Variants in DHX36 observed in about 807,000 individuals in gnomAD.
The protein encoded by DHX36 is ATP-dependent DNA/RNA helicase DHX36.
In DHX36, 50 loss-of-function variants were observed where a neutral mutation model predicts 139.0. The observed-to-expected ratio is 0.36, with a 90% CI of 0.29 to 0.46. DHX36 has a LOEUF of 0.46. DHX36 is among the 20% of genes least tolerant of loss of function. The pLI is 1.00. For missense variants in DHX36, 1,024 were observed against 1,211.3 expected (o/e 0.85, Z 2.29); for synonymous variants, 425 against 401.9 (o/e 1.06, Z -0.69).
At chr3:154,277,232 A>G (rs993621733) in intron 23 of DHX36, among the ~76,000 whole-genome samples, 1 of 152,172 alleles carries the variant, frequency 6.6e-6, no homozygotes, top group African/African-American at 2.4e-5. Flanking sequence ...AAAGAGAAAA[A>G]TATAAATAAA....
intron 22 of DHX36, 23 bp from the exon 23 acceptor site, chr3:154,277,741 G>A: frequency 6.3e-7 from 1 of 1,575,884 alleles, no homozygotes; most frequent in Non-Finnish European, 8.6e-7. Context: ...TTAAAATGCA[G>A]TTTGTTAAAA....
intron 3 of DHX36, among the ~76,000 whole-genome samples, chr3:154,313,930 G>T (rs1712863419): frequency 6.6e-6 from 1 of 152,078 alleles, no homozygotes; most frequent in Non-Finnish European, 1.5e-5. Context: ...CAAGGTTGTT[G>T]AGAAGCTTAA....
intron 1 of DHX36, among the ~76,000 whole-genome samples, chr3:154,317,837 A>T (rs355776): frequency 0.78 from 110,402 of 141,726 alleles, 40,447 homozygotes; most frequent in South Asian, 0.83. Context: ...TCAATTGTTT[A>T]TTTTTTATAG....
intron 3 of DHX36, chr3:154,312,001 C>T (rs1373480487): frequency 5.3e-6 from 1 of 189,380 alleles, no homozygotes; most frequent in East Asian, 1.4e-4. Flanking sequence ...ATATATTCAT[C>T]TTAGATTTGA....
At chr3:154,313,811 T>C (rs768973627) in intron 3 of DHX36, among the ~76,000 whole-genome samples, 2 of 152,026 alleles carry the variant, frequency 1.3e-5, no homozygotes, top group Non-Finnish European at 2.9e-5. Flanking sequence ...AAAAGCTGAG[T>C]TGTTAAACAC....
intron 22 of DHX36, chr3:154,277,984 G>A (rs1250241670): frequency 4.0e-6 from 1 of 248,188 alleles, no homozygotes; most frequent in African/African-American, 2.2e-5. Context: ...CTTCTTGCAG[G>A]TATAATTACT....
At chr3:154,284,331 C>A (rs1711500992) in intron 19 of DHX36, among the ~76,000 whole-genome samples, 1 of 152,050 alleles carries the variant, frequency 6.6e-6, no homozygotes, top group Non-Finnish European at 1.5e-5. Flanking sequence ...CAAATGCCCA[C>A]CACCACACAC....
At position 154,275,343 on chromosome 3, in the gene DHX36, T is replaced by A. The variant is rs1719113628; in HGVS notation, c.*828A>T. 6.6e-6 allele frequency: 1 copy of A among 152,240 alleles called. No homozygotes were observed. The highest frequency in any genetic ancestry group is 1.5e-5 in the Non-Finnish European group (1 of 68,054). 9.4% of individuals were successfully genotyped at this position (152,240 alleles called of 1,614,324 possible). ...TTAGGGAATGACAAGGAAAAAAGTC[T>A]GCACATGTTCAGTATAGACACAACC... On this transcript the variant is annotated 3_prime_UTR_variant, in exon 25 of 25. Transcript: ENST00000496811.
intron 12 of DHX36, among the ~76,000 whole-genome samples, chr3:154,299,059 G>C (rs1458156798): frequency 2.0e-5 from 3 of 152,066 alleles, no homozygotes; most frequent in Non-Finnish European, 2.9e-5. Context: ...ATCACTTCAG[G>C]TCTGGAGTTC....
In DHX36 at chr3:154,314,802, T is replaced by C. The variant is rs1010183893; in HGVS notation, c.603+244A>G. 21 of 345,642 alleles carry C rather than the reference T, an allele frequency of 6.1e-5. No homozygotes were observed. In the South Asian group the frequency reaches 1.2e-3, roughly 20 times the overall value. 21.4% of individuals were successfully genotyped at this position (345,642 alleles called of 1,614,324 possible). On this transcript the variant is annotated intron_variant, in intron 3 of 24. Coordinates refer to ENST00000496811, the MANE Select transcript of DHX36 (RefSeq NM_020865.3). ...GAGTAAGTTTTTTTTTCATTGGCAC[T>C]AGCATTTCTCAAACATTTCTTCTCA...
At chr3:154,320,527 G>C (rs1713150355) in intron 1 of DHX36, among the ~76,000 whole-genome samples, 1 of 105,306 alleles carries the variant, frequency 9.5e-6, no homozygotes, top group Non-Finnish European at 2.1e-5. Flanking sequence ...CTTATCTCCA[G>C]TCTAGATTTT....
At chr3:154,322,258 G>A (rs1440839426) in intron 1 of DHX36, among the ~76,000 whole-genome samples, 1 of 152,198 alleles carries the variant, frequency 6.6e-6, no homozygotes, top group Non-Finnish European at 1.5e-5. Context: ...CAGAGAACAT[G>A]TCAAGATGCA....
chr3:154,315,197 T>G lies in DHX36; in HGVS notation c.452A>C (p.Glu151Ala). 1 of 1,613,576 alleles carries G rather than the reference T, an allele frequency of 6.2e-7. No homozygotes were observed. The highest frequency in any genetic ancestry group is 8.5e-7 in the Non-Finnish European group (1 of 1,179,702). Residue 151 changes from glutamate (E) to alanine (A), a missense_variant, in exon 3 of 25, where the codon GAA becomes GCA. Glu to Ala is a moderately radical substitution (Grantham distance 107, BLOSUM62 -1). This residue lies in a region of DHX36 where 293 missense variants were observed against 274.4 expected (regional missense o/e 1.07). Transcript: ENST00000496811. ...DIQEKKLINQ[E>A]KKMFRIRNRS... is the part of the protein sequence containing the mutation. ...GTTCCTGATTCTAAACATTTTTTTT[T>G]CTTGATTTATCAACTTCTTTTCCTG...
intron 17 of DHX36, among the ~76,000 whole-genome samples, chr3:154,286,869 G>A (rs1576859989): frequency 6.6e-6 from 1 of 151,946 alleles, no homozygotes; most frequent in South Asian, 2.1e-4. Context: ...GGGTTGGAGT[G>A]CAGTGGTGCA....
intron 1 of DHX36, among the ~76,000 whole-genome samples, chr3:154,323,059 G>T (rs777982025): frequency 2.1e-4 from 32 of 152,198 alleles, no homozygotes; most frequent in Admixed American, 7.9e-4. Context: ...TCTAGGCCTG[G>T]CGTGGTGGCT....
chr3:154,289,906 G>A (rs1454791084), intron 15 of DHX36, 80 bp from the exon 16 acceptor site: 9 of 779,354 alleles, frequency 1.2e-5, no homozygotes, highest in Non-Finnish European at 1.9e-5. Flanking sequence ...AAAATACTAG[G>A]CAGGGAAGTA....
intron 1 of DHX36, among the ~76,000 whole-genome samples, chr3:154,322,812 T>G (rs1454032597): frequency 6.6e-6 from 1 of 152,236 alleles, no homozygotes; most frequent in African/African-American, 2.4e-5. Flanking sequence ...CATAAAACCT[T>G]GTTTCAAACA....
At chr3:154,315,771 T>A (rs1265387869) in intron 2 of DHX36, among the ~76,000 whole-genome samples, 1 of 152,070 alleles carries the variant, frequency 6.6e-6, no homozygotes, top group Non-Finnish European at 1.5e-5. Context: ...AATAATTTCA[T>A]AAATACAAAG....
Position 154,289,841 on chromosome 3 carries a change from A to G in DHX36, c.1815-15T>C. On this transcript the variant is annotated splice_polypyrimidine_tract_variant and intron_variant, in intron 15 of 24. Transcript: ENST00000496811. ...CAGGTTGAACTCTTAAAAAAAAAAC[A>G]AAACAAAATGAAACAAAGAGGGACA... 14 of 1,470,596 alleles carry G rather than the reference A, an allele frequency of 9.5e-6. No homozygotes were observed. The highest frequency in any genetic ancestry group is 1.3e-5 in the Non-Finnish European group (14 of 1,069,792). The allele number at this position is 1,470,596 out of a possible 1,614,324, so 91.1% of individuals were successfully genotyped here.
Sources: allele counts gnomAD v4.1 joint callset (sites outside exome capture counted in the v4.1 genomes callset), GRCh38; gene constraint gnomAD v4.1.1; regional missense constraint gnomAD v4.1.1; transcripts MANE v1.5; gene names NCBI Gene and HGNC (gene_info 2026-07-23, HGNC 2026-07-21).